The following CNTNAP2 variants were observed in gnomAD, a reference collection of about 807,000 sequenced individuals.
CNTNAP2 encodes contactin-associated protein-like 2.
A neutral mutation model predicts 155.2 loss-of-function variants in CNTNAP2; 98 were observed. That is an observed-to-expected ratio of 0.63 (90% confidence interval 0.54 to 0.75). The LOEUF is 0.75. CNTNAP2 is among the 30% of genes least tolerant of loss of function. The pLI is 0.00. For synonymous variants in CNTNAP2, 651 were observed against 631.2 expected (o/e 1.03, Z -0.47); for missense variants, 1,727 against 1,688.1 (o/e 1.02, Z -0.40).
chr7:147,562,571 T>A (rs1800085461), intron 12 of CNTNAP2, among the ~76,000 whole-genome samples: 1 of 152,098 alleles, frequency 6.6e-6, no homozygotes, highest in Admixed American at 6.5e-5. Context: ...GTAACCTAGA[T>A]TAGGGAAATT....
intron 1 of CNTNAP2, among the ~76,000 whole-genome samples, chr7:146,187,065 T>G (rs1328362328): frequency 6.6e-6 from 1 of 152,192 alleles, no homozygotes. Context: ...AGTCTTAGTT[T>G]AGTCTCAAAC....
chr7:146,654,931 T>C (rs966960347), intron 1 of CNTNAP2, among the ~76,000 whole-genome samples: 3 of 152,130 alleles, frequency 2.0e-5, no homozygotes, highest in Non-Finnish European at 2.9e-5. Flanking sequence ...TTTTATAAAA[T>C]TAAATACTCT....
At chr7:146,782,501 A>G (rs1041891952) in intron 2 of CNTNAP2, among the ~76,000 whole-genome samples, 1 of 152,190 alleles carries the variant, frequency 6.6e-6, no homozygotes, top group Non-Finnish European at 1.5e-5. Flanking sequence ...GACCAAGGAC[A>G]AGCATGGGAT....
intron 13 of CNTNAP2, among the ~76,000 whole-genome samples, chr7:147,694,934 T>C (rs1181874259): frequency 6.6e-6 from 1 of 152,216 alleles, no homozygotes; most frequent in Non-Finnish European, 1.5e-5. Context: ...GAAGTTTATA[T>C]GGCTGATTTT....
intron 13 of CNTNAP2, among the ~76,000 whole-genome samples, chr7:147,697,850 A>G (rs904275806): frequency 2.6e-5 from 4 of 152,156 alleles, no homozygotes; most frequent in South Asian, 2.1e-4. Context: ...CTTTCTCCCT[A>G]CTAGAAGCAA....
At chr7:147,067,933 T>C (rs1408473003) in intron 4 of CNTNAP2, among the ~76,000 whole-genome samples, 1 of 152,246 alleles carries the variant, frequency 6.6e-6, no homozygotes, top group African/African-American at 2.4e-5. Context: ...TTACTGTTTT[T>C]GTGGACCAGG....
chr7:146,309,337 G>T (rs528185347), intron 1 of CNTNAP2, among the ~76,000 whole-genome samples: 2 of 152,158 alleles, frequency 1.3e-5, no homozygotes, highest in East Asian at 3.9e-4. Context: ...TCTGTTAGGG[G>T]GTATGAGTAC....
chr7:148,407,702 T>TAAAAAA (rs1799733935), intron 22 of CNTNAP2, among the ~76,000 whole-genome samples: 1 of 1,778 alleles, frequency 5.6e-4, no homozygotes, highest in Admixed American at 6.9e-3. Flanking sequence ...AGACCAAATC[T>TAAAAAA]TAAAAAAAAA....
At chr7:148,035,593 G>A (rs138937553) in intron 15 of CNTNAP2, among the ~76,000 whole-genome samples, 1 of 152,296 alleles carries the variant, frequency 6.6e-6, no homozygotes, top group Non-Finnish European at 1.5e-5. Context: ...GTGGGGCCAT[G>A]GTAGCCTCTA....
At chr7:147,236,070 C>T (rs1260319308) in intron 8 of CNTNAP2, among the ~76,000 whole-genome samples, 2 of 152,192 alleles carry the variant, frequency 1.3e-5, no homozygotes, top group African/African-American at 2.4e-5. Flanking sequence ...TATTTATATA[C>T]TTAACCCCCA....
intron 13 of CNTNAP2, among the ~76,000 whole-genome samples, chr7:147,845,014 T>A: frequency 1.5e-5 from 2 of 129,934 alleles, no homozygotes; most frequent in African/African-American, 5.7e-5. Context: ...TTATTGAGGA[T>A]TTTTGCATCA....
At chr7:147,880,645 G>C (rs1344455401) in intron 13 of CNTNAP2, among the ~76,000 whole-genome samples, 1 of 151,968 alleles carries the variant, frequency 6.6e-6, no homozygotes, top group Non-Finnish European at 1.5e-5. Flanking sequence ...ATAGCAACCA[G>C]AGAAGTAGGA....
At chr7:147,327,231 C>A (rs1253530449) in intron 9 of CNTNAP2, among the ~76,000 whole-genome samples, 1 of 152,196 alleles carries the variant, frequency 6.6e-6, no homozygotes, top group East Asian at 1.9e-4. Flanking sequence ...ACTTATCTCA[C>A]TAATCCTCAT....
At chr7:147,404,168 C>T (rs1239152239) in intron 10 of CNTNAP2, among the ~76,000 whole-genome samples, 1 of 152,116 alleles carries the variant, frequency 6.6e-6, no homozygotes, top group Admixed American at 6.5e-5. Flanking sequence ...GAAAGTCTCC[C>T]AGATAAATTC....
At chr7:146,700,524 G>A (rs1156737970) in intron 1 of CNTNAP2, among the ~76,000 whole-genome samples, 2 of 151,930 alleles carry the variant, frequency 1.3e-5, no homozygotes, top group Admixed American at 6.6e-5. Context: ...ATACCTAAAG[G>A]CATTGTACAT....
intron 1 of CNTNAP2, among the ~76,000 whole-genome samples, chr7:146,668,999 C>T (rs968937651): frequency 6.6e-6 from 1 of 151,872 alleles, no homozygotes; most frequent in Non-Finnish European, 1.5e-5. Flanking sequence ...TTCATGTGTA[C>T]CTGAAAGTAT....
rs569274814 is a variant in CNTNAP2, at chr7:147,270,200, A to C, written c.1349-29941A>C. On this transcript the variant is annotated intron_variant, in intron 8 of 23. Coordinates refer to ENST00000361727, the MANE Select transcript of CNTNAP2 (RefSeq NM_014141.6). ...AGTCATGTCTCTTCTTTCTATATCT[A>C]TTCTGTCTAGTTCATGAGTACTGGC... 7.9e-5 allele frequency among the ~76,000 whole-genome samples: 12 copies of C among 152,310 alleles called. No homozygotes were observed. The South Asian group carries it at 2.5e-3, about 32-fold the overall frequency.
At chr7:148,088,550 C>T (rs1445420322) in intron 15 of CNTNAP2, among the ~76,000 whole-genome samples, 3 of 151,824 alleles carry the variant, frequency 2.0e-5, no homozygotes, top group Admixed American at 6.6e-5. Flanking sequence ...TTACACAGCA[C>T]ACATTGAATA....
At chr7:148,348,592 A>G (rs1024822933) in intron 21 of CNTNAP2, among the ~76,000 whole-genome samples, 1 of 152,214 alleles carries the variant, frequency 6.6e-6, no homozygotes, top group African/African-American at 2.4e-5. Context: ...CTCTTGAAGA[A>G]TATCATAGGT....
Sources: gnomAD v4.1 joint callset for allele counts (sites outside exome capture counted in the v4.1 genomes callset) on GRCh38, gnomAD v4.1.1 for gene constraint, MANE v1.5 for transcripts, NCBI Gene and HGNC (gene_info 2026-07-23, HGNC 2026-07-21) for gene names.